Variants in ATRNL1 observed in about 807,000 individuals in gnomAD.
ATRNL1 encodes the protein attractin-like protein 1.
Under a neutral mutation model 182.7 loss-of-function variants are expected in ATRNL1, and 95 were observed. That is an observed-to-expected ratio of 0.52 (90% CI 0.44 to 0.62). The LOEUF is 0.62. Among genes scored for constraint, ATRNL1 ranks in the 20% least tolerant of loss-of-function variants. ATRNL1 has a pLI of 0.00. For missense variants in ATRNL1, 1,471 were observed against 1,679.5 expected (o/e 0.88, Z 2.17); for synonymous variants, 576 against 568.3 (o/e 1.01, Z -0.19).
At chr10:115,148,576 G>C (rs1176886161) in intron 5 of ATRNL1, among the ~76,000 whole-genome samples, 1 of 152,094 alleles carries the variant, frequency 6.6e-6, no homozygotes, top group African/African-American at 2.4e-5. Context: ...GCATCATTTG[G>C]GGAAATAGCC....
chr10:115,834,076 T>C (rs1950615872), intron 27 of ATRNL1, among the ~76,000 whole-genome samples: 2 of 152,162 alleles, frequency 1.3e-5, no homozygotes, highest in Non-Finnish European at 2.9e-5. Flanking sequence ...TGTCTTTCTA[T>C]CTACAGTTAA....
intron 20 of ATRNL1, among the ~76,000 whole-genome samples, chr10:115,409,510 G>T (rs897782913): frequency 2.0e-5 from 3 of 152,166 alleles, no homozygotes; most frequent in African/African-American, 7.2e-5. Context: ...CATGTGATCT[G>T]CAAACAGGAC....
intron 26 of ATRNL1, among the ~76,000 whole-genome samples, chr10:115,598,201 C>T (rs1344048588): frequency 3.3e-5 from 5 of 150,894 alleles, no homozygotes; most frequent in African/African-American, 1.2e-4. Flanking sequence ...TTCCTTTATT[C>T]AGTATAGCAG....
intron 10 of ATRNL1, among the ~76,000 whole-genome samples, chr10:115,252,885 A>T (rs543043131): frequency 1.3e-5 from 2 of 151,968 alleles, no homozygotes; most frequent in African/African-American, 4.8e-5. Flanking sequence ...ATTCCCTTCT[A>T]TTGGCATGCC....
chr10:115,679,640 G>A (rs916371101), intron 26 of ATRNL1, among the ~76,000 whole-genome samples: 4 of 151,990 alleles, frequency 2.6e-5, no homozygotes, highest in Non-Finnish European at 2.9e-5. Flanking sequence ...TATTTGCCCT[G>A]AGACATCATA....
At chr10:115,159,503 G>A (rs1440747484) in intron 5 of ATRNL1, among the ~76,000 whole-genome samples, 1 of 150,748 alleles carries the variant, frequency 6.6e-6, no homozygotes, top group Non-Finnish European at 1.5e-5. Flanking sequence ...AGCAAACTTT[G>A]GTTGTCCTTA....
chr10:115,796,988 T>C (rs1330166858), intron 27 of ATRNL1, among the ~76,000 whole-genome samples: 1 of 152,188 alleles, frequency 6.6e-6, no homozygotes, highest in Non-Finnish European at 1.5e-5. Flanking sequence ...TTCCATATAG[T>C]TTCAACCTTA....
intron 25 of ATRNL1, among the ~76,000 whole-genome samples, chr10:115,535,926 T>G (rs1052317614): frequency 2.6e-5 from 4 of 151,772 alleles, no homozygotes; most frequent in Admixed American, 6.6e-5. Flanking sequence ...AACAGCAGAT[T>G]TTCGTGAACC....
intron 28 of ATRNL1, among the ~76,000 whole-genome samples, chr10:115,869,725 A>G (rs1253247400): frequency 6.6e-6 from 1 of 152,206 alleles, no homozygotes; most frequent in African/African-American, 2.4e-5. Flanking sequence ...TAACCAATAA[A>G]ACACATATTT....
intron 25 of ATRNL1, among the ~76,000 whole-genome samples, chr10:115,543,214 A>G (rs1196396233): frequency 1.3e-5 from 2 of 152,152 alleles, no homozygotes; most frequent in Admixed American, 1.3e-4. Flanking sequence ...CAGAAGTTTG[A>G]CCAATTTATT....
At chr10:115,829,453 C>T (rs897079340) in intron 27 of ATRNL1, among the ~76,000 whole-genome samples, 2 of 151,576 alleles carry the variant, frequency 1.3e-5, no homozygotes, top group African/African-American at 4.9e-5. Context: ...ATGTCAATTT[C>T]CACTTTGCAG....
At chr10:115,141,951 ATC>A (rs1845768261) in intron 5 of ATRNL1, among the ~76,000 whole-genome samples, 1 of 152,152 alleles carries the variant, frequency 6.6e-6, no homozygotes, top group African/African-American at 2.4e-5. Context: ...TCATTTATTT[ATC>A]TTTTTCATTT....
intron 5 of ATRNL1, among the ~76,000 whole-genome samples, chr10:115,134,794 C>T (rs1845427162): frequency 2.0e-5 from 3 of 152,276 alleles, no homozygotes; most frequent in South Asian, 4.1e-4. Context: ...CAATAAAATC[C>T]TGGCAAACCG....
At chr10:115,367,375 C>T (rs1431188853) in intron 19 of ATRNL1, among the ~76,000 whole-genome samples, 2 of 139,186 alleles carry the variant, frequency 1.4e-5, no homozygotes, top group African/African-American at 5.2e-5. Flanking sequence ...TCCATCAGCT[C>T]CTTTAAGCAC....
intron 28 of ATRNL1, among the ~76,000 whole-genome samples, chr10:115,902,692 A>G (rs1555113776): frequency 6.6e-6 from 1 of 152,208 alleles, no homozygotes; most frequent in East Asian, 1.9e-4. Flanking sequence ...TTGTATATTG[A>G]GGAAAATCAG....
chr10:115,562,915 A>G (rs1364408396), intron 26 of ATRNL1, among the ~76,000 whole-genome samples: 2 of 152,252 alleles, frequency 1.3e-5, no homozygotes, highest in Admixed American at 1.3e-4. Context: ...AAAAACTTAC[A>G]TGGAAATGCA....
chr10:115,879,100 AT>A (rs1951764831), intron 28 of ATRNL1, among the ~76,000 whole-genome samples: 1 of 152,002 alleles, frequency 6.6e-6, no homozygotes, highest in Non-Finnish European at 1.5e-5. Flanking sequence ...ACTTACTGAA[AT>A]TTTAGTCTGT....
At chr10:115,409,574 A>G (rs1845031721) in intron 20 of ATRNL1, among the ~76,000 whole-genome samples, 1 of 152,152 alleles carries the variant, frequency 6.6e-6, no homozygotes, top group South Asian at 2.1e-4. Flanking sequence ...TTTCTTGCCC[A>G]ATTGCTCTGG....
chr10:115,493,193 T>C (rs1849392721), intron 24 of ATRNL1, among the ~76,000 whole-genome samples: 1 of 152,148 alleles, frequency 6.6e-6, no homozygotes, highest in Non-Finnish European at 1.5e-5. Flanking sequence ...GGGGATGTGG[T>C]GTACAGATTA....
Sources: allele counts gnomAD v4.1 joint callset (sites outside exome capture counted in the v4.1 genomes callset), GRCh38; gene constraint gnomAD v4.1.1; transcripts MANE v1.5; gene names NCBI Gene and HGNC (gene_info 2026-07-23, HGNC 2026-07-21).